SPATS2: variants seen among roughly 807,000 people sequenced by gnomAD.
The protein encoded by SPATS2 is spermatogenesis-associated serine-rich protein 2.
Under a neutral mutation model 63.7 loss-of-function variants are expected in SPATS2, and 38 were observed. The ratio of observed to expected loss-of-function variants is 0.60; its 90% CI spans 0.46 to 0.78. SPATS2 has a LOEUF of 0.78. Among genes scored for constraint, SPATS2 ranks in the 30% least tolerant of loss-of-function variants. The pLI, the probability that SPATS2 is intolerant of heterozygous loss-of-function variation, is 0.00. For synonymous variants in SPATS2, 207 were observed against 232.9 expected (o/e 0.89, Z 1.01); for missense variants, 588 against 666.2 (o/e 0.88, Z 1.29).
At chr12:49,434,071 T>C (rs936167930) in intron 2 of SPATS2, among the ~76,000 whole-genome samples, 2 of 152,202 alleles carry the variant, frequency 1.3e-5, no homozygotes, top group Non-Finnish European at 2.9e-5. Flanking sequence ...GCCCCTTTGT[T>C]GAAGATCTTT....
intron 2 of SPATS2, among the ~76,000 whole-genome samples, chr12:49,379,718 G>A (rs954257437): frequency 1.3e-5 from 2 of 149,822 alleles, no homozygotes; most frequent in African/African-American, 4.9e-5. Context: ...TGCCTCCTGG[G>A]TTCAAGTGAT....
At position 49,506,264 on chromosome 12, in the gene SPATS2, G is replaced by A. The variant is rs1224666282; in HGVS notation, c.839+6059G>A. Among the ~76,000 whole-genome samples, 9 of 152,124 alleles carry A rather than the reference G, an allele frequency of 5.9e-5. No individual in the cohort carries two copies. In the East Asian group the frequency reaches 7.7e-4, roughly 13 times the overall value. ...CCCAGCACTTCGGGAGGCTGTATTC[G>A]TCTGTTCTCACACTGCTAATAAAGA... On this transcript the variant is annotated intron_variant, in intron 9 of 13. Transcript: ENST00000552918.
chr12:49,439,654 AG>A lies in SPATS2; in HGVS notation c.-243-21115del, dbSNP rs375460950. On this transcript the variant is annotated intron_variant, in intron 2 of 13. Coordinates refer to ENST00000552918, the MANE Select transcript of SPATS2 (RefSeq NM_023071.4). Reference sequence around the variant, plus strand: ...TACTGAGAAGGTGAAGACTTGGGAAAGTGTATGCTTTGGGTGATGAATAAAA... The same window carrying A: ...TACTGAGAAGGTGAAGACTTGGGAAATGTATGCTTTGGGTGATGAATAAAA... Among the ~76,000 whole-genome samples, 301 of 152,316 alleles carry A rather than the reference AG, an allele frequency of 2.0e-3. 1 individual carries two copies. The highest frequency in any genetic ancestry group is 2.9e-3 in the Non-Finnish European group (200 of 68,020).
intron 2 of SPATS2, among the ~76,000 whole-genome samples, chr12:49,384,401 T>C (rs1944274731): frequency 6.6e-6 from 1 of 152,234 alleles, no homozygotes; most frequent in Admixed American, 6.5e-5. Flanking sequence ...AGTGAAAGTC[T>C]CCCTACTGTC....
At chr12:49,464,479 T>G (rs1402347333) in intron 3 of SPATS2, among the ~76,000 whole-genome samples, 1 of 147,570 alleles carries the variant, frequency 6.8e-6, no homozygotes, top group African/African-American at 2.5e-5. Context: ...AAAAAAAAAT[T>G]AGCTGGGTGT....
intron 2 of SPATS2, among the ~76,000 whole-genome samples, chr12:49,438,234 C>G (rs11169015): frequency 6.6e-6 from 1 of 151,984 alleles, no homozygotes; most frequent in Non-Finnish European, 1.5e-5. Flanking sequence ...GGTCTGACTT[C>G]TTTGTTTAAC....
intron 6 of SPATS2, 33 bp downstream of exon 6, chr12:49,490,764 GT>G (rs748806001): frequency 1.3e-6 from 2 of 1,599,886 alleles, no homozygotes; most frequent in Non-Finnish European, 1.7e-6. Context: ...GCATGATGAT[GT>G]GTATATTATT....
At chr12:49,502,004 A>G (rs1331701550) in intron 9 of SPATS2, among the ~76,000 whole-genome samples, 1 of 152,228 alleles carries the variant, frequency 6.6e-6, no homozygotes, top group African/African-American at 2.4e-5. Flanking sequence ...CTTAAGGACC[A>G]TATTAAAATG....
intron 3 of SPATS2, among the ~76,000 whole-genome samples, chr12:49,472,151 C>A (rs973985897): frequency 2.6e-5 from 4 of 151,094 alleles, no homozygotes. Flanking sequence ...AAAGCGCCCC[C>A]CAAAACAAAA....
intron 9 of SPATS2, among the ~76,000 whole-genome samples, chr12:49,508,622 A>G (rs578012764): frequency 1.3e-5 from 2 of 152,180 alleles, no homozygotes; most frequent in South Asian, 4.2e-4. Context: ...TTTTGGAGAG[A>G]CAAGATCCCA....
At chr12:49,494,703 T>C (rs1946435544) in intron 6 of SPATS2, 38 bp from the exon 7 acceptor site, 1 of 1,471,030 alleles carries the variant, frequency 6.8e-7, no homozygotes, top group Non-Finnish European at 9.0e-7. Context: ...AATCTTTTCT[T>C]TCTTTTCTTT....
chr12:49,506,529 C>T (rs532296577), intron 9 of SPATS2, among the ~76,000 whole-genome samples: 11 of 152,324 alleles, frequency 7.2e-5, no homozygotes, highest in Non-Finnish European at 1.0e-4. Flanking sequence ...GTTATCTTCA[C>T]CTGGCCCCAC....
chr12:49,428,721 T>C (rs1592386005), intron 2 of SPATS2, among the ~76,000 whole-genome samples: 2 of 152,226 alleles, frequency 1.3e-5, no homozygotes, highest in African/African-American at 4.8e-5. Context: ...TTTTTTAAGT[T>C]AACAAGGTTT....
intron 2 of SPATS2, among the ~76,000 whole-genome samples, chr12:49,378,039 C>G (rs1174900863): frequency 1.3e-5 from 2 of 152,176 alleles, no homozygotes; most frequent in African/African-American, 2.4e-5. Context: ...ATGGCACGAT[C>G]TTGGCTCACT....
At chr12:49,424,879 C>T (rs1945045076) in intron 2 of SPATS2, among the ~76,000 whole-genome samples, 1 of 152,098 alleles carries the variant, frequency 6.6e-6, no homozygotes, top group African/African-American at 2.4e-5. Context: ...GGGGTTTCGC[C>T]GTGTTGGCCA....
intron 2 of SPATS2, among the ~76,000 whole-genome samples, chr12:49,381,100 G>A (rs1368976220): frequency 5.3e-5 from 8 of 152,124 alleles, no homozygotes; most frequent in African/African-American, 1.7e-4. Context: ...TAGTAGATGT[G>A]AAGTGGTATC....
intron 6 of SPATS2, among the ~76,000 whole-genome samples, chr12:49,494,165 C>T (rs566656159): frequency 6.6e-6 from 1 of 152,280 alleles, no homozygotes; most frequent in Admixed American, 6.5e-5. Flanking sequence ...ACTAGATTGT[C>T]ATGGAGAGTA....
chr12:49,510,273 A>G (rs1044285967), intron 9 of SPATS2, among the ~76,000 whole-genome samples: 22 of 151,560 alleles, frequency 1.5e-4, no homozygotes, highest in African/African-American at 4.4e-4. Flanking sequence ...AAAAAAAAAA[A>G]AAAATCGTCC....
At chr12:49,463,598 T>G (rs1460224809) in intron 3 of SPATS2, 1 of 152,200 alleles carries the variant, frequency 6.6e-6, no homozygotes, top group Non-Finnish European at 1.5e-5. Context: ...CCATGACATA[T>G]AAAATATTAC....
Sources: gnomAD v4.1 joint callset for allele counts (sites outside exome capture counted in the v4.1 genomes callset) on GRCh38, gnomAD v4.1.1 for gene constraint, MANE v1.5 for transcripts, NCBI Gene and HGNC (gene_info 2026-07-23, HGNC 2026-07-21) for gene names.